REEP5: variants seen among roughly 807,000 people sequenced by gnomAD.
REEP5 encodes receptor accessory protein 5.
A neutral mutation model predicts 22.4 loss-of-function variants in REEP5; 24 were observed. The observed-to-expected ratio is 1.07, with a 90% CI of 0.78 to 1.51. The LOEUF is 1.51. Among genes scored for constraint, REEP5 ranks in the 40% most tolerant of loss-of-function variants. The pLI is 0.00. For synonymous variants in REEP5, 103 were observed against 88.6 expected, an observed-to-expected ratio of 1.16 and a Z score of -0.92; for missense variants, 252 against 233.0, an observed-to-expected ratio of 1.08 and a Z score of -0.53.
At position 112,893,089 on chromosome 5, in the gene REEP5, G is replaced by A. The variant is rs776358468; in HGVS notation, c.352-5906C>T. On this transcript the variant is annotated intron_variant, in intron 3 of 4. Transcript: ENST00000379638. Reference sequence around the variant, plus strand: ...TCCCCAATCCAAATAAACTAGTTTTGTTCTTAAAAAAAAAAAAAAAAAAAA... The same window carrying A: ...TCCCCAATCCAAATAAACTAGTTTTATTCTTAAAAAAAAAAAAAAAAAAAA... 1.8e-5 allele frequency: 10 copies of A among 546,806 alleles called. No homozygotes were observed. The East Asian group carries it at 4.4e-4, about 24-fold the overall frequency. The allele number at this position is 546,806 out of a possible 1,614,324, so 33.9% of individuals were successfully genotyped here. A position where few individuals can be genotyped will look rare whatever the true frequency, so the allele number is the denominator to read the frequency against.
intron 2 of REEP5, among the ~76,000 whole-genome samples, chr5:112,905,460 G>A: frequency 6.6e-6 from 1 of 151,552 alleles, no homozygotes; most frequent in East Asian, 2.0e-4. Flanking sequence ...AGACTCACTT[G>A]AACCCGGGAG....
At chr5:112,886,462 G>T (rs1768249129) in intron 4 of REEP5, among the ~76,000 whole-genome samples, 1 of 152,110 alleles carries the variant, frequency 6.6e-6, no homozygotes, top group Non-Finnish European at 1.5e-5. Flanking sequence ...GGCATCCCAG[G>T]CTTGTCTCTA....
chr5:112,917,812 G>T, intron 2 of REEP5, among the ~76,000 whole-genome samples: 1 of 152,176 alleles, frequency 6.6e-6, no homozygotes, highest in East Asian at 1.9e-4. Flanking sequence ...CAAACTCATA[G>T]AAACAGAATG....
Position 112,876,506 on chromosome 5 carries a change from T to C in REEP5, c.*2280A>G, listed in dbSNP as rs1204534050. On this transcript the variant is annotated 3_prime_UTR_variant, in exon 5 of 5. Transcript: ENST00000379638. Reference sequence around the variant, plus strand: ...TTCTTCAGCTGTGAGTAGAGGAGTCTTCCCGAGAGTAGCAGTTGTTGATCC... The same window carrying C: ...TTCTTCAGCTGTGAGTAGAGGAGTCCTCCCGAGAGTAGCAGTTGTTGATCC... 2 of 152,234 alleles carry C rather than the reference T, an allele frequency of 1.3e-5. No homozygotes were observed. Among genetic ancestry groups the C allele is most frequent in the Non-Finnish European group, 2.9e-5 (2 of 68,040 alleles). 9.4% of individuals were successfully genotyped at this position (152,234 alleles called of 1,614,324 possible).
intron 2 of REEP5, among the ~76,000 whole-genome samples, chr5:112,908,571 G>A (rs1034290654): frequency 6.6e-6 from 1 of 151,806 alleles, no homozygotes; most frequent in Non-Finnish European, 1.5e-5. Flanking sequence ...TGTTGCCCAG[G>A]CTGGAGTGCA....
intron 2 of REEP5, among the ~76,000 whole-genome samples, chr5:112,908,163 C>T (rs1042378613): frequency 3.5e-5 from 5 of 143,858 alleles, no homozygotes; most frequent in East Asian, 2.0e-4. Context: ...TGCAGTGGCA[C>T]GATCTCGGCT....
chr5:112,891,727 A>C, intron 3 of REEP5: 1 of 1,614,154 alleles, frequency 6.2e-7, no homozygotes, highest in Non-Finnish European at 8.5e-7. Flanking sequence ...CGCCCTGAAG[A>C]AGGAGAAACG....
At chr5:112,907,232 C>T (rs553123864) in intron 2 of REEP5, among the ~76,000 whole-genome samples, 1 of 152,326 alleles carries the variant, frequency 6.6e-6, no homozygotes, top group East Asian at 1.9e-4. Flanking sequence ...GCCTGGTCCA[C>T]TCTTTTACAG....
chr5:112,886,980 C>G, intron 4 of REEP5, 35 bp downstream of exon 4: 1 of 1,509,828 alleles, frequency 6.6e-7, no homozygotes, highest in Non-Finnish European at 9.1e-7. Flanking sequence ...CACATCTCCT[C>G]TCACATGTGG....
chr5:112,915,801 G>C (rs1158258797), intron 2 of REEP5, among the ~76,000 whole-genome samples: 1 of 151,440 alleles, frequency 6.6e-6, no homozygotes, highest in Non-Finnish European at 1.5e-5. Flanking sequence ...TAGTGTAATG[G>C]GAACATAGGC....
At chr5:112,902,325 A>G in intron 3 of REEP5, 55 bp downstream of exon 3, 1 of 1,504,884 alleles carries the variant, frequency 6.6e-7, no homozygotes. Context: ...ATTTATTCCT[A>G]CTTCTTCTAT....
chr5:112,892,752 G>A, intron 3 of REEP5: 4 of 1,614,030 alleles, frequency 2.5e-6, no homozygotes, highest in Non-Finnish European at 2.5e-6. Context: ...GGAGGGAGAA[G>A]ATGGGCCACC....
chr5:112,887,386 T>G (rs541023485), intron 3 of REEP5, among the ~76,000 whole-genome samples: 10 of 152,338 alleles, frequency 6.6e-5, no homozygotes, highest in African/African-American at 2.4e-4. Flanking sequence ...AAGGAAAAGC[T>G]GAGACTAAAA....
rs1432539065 is a variant in REEP5, at chr5:112,876,559, A to ATAAC, written c.*2223_*2226dup. The ATAAC allele has an allele frequency of 6.6e-6, 1 of 152,214 alleles. No individual in the cohort carries two copies. The highest frequency in any genetic ancestry group is 1.5e-5 in the Non-Finnish European group (1 of 68,034). The allele number at this position is 152,214 out of a possible 1,614,324, so 9.4% of individuals were successfully genotyped here. ...ATGATTGAAGCCTTCAGGTAAGGGA[A>ATAAC]TAACTGCTGCAGGAATTCTTTCTTG... is the stretch of plus-strand genomic sequence containing the variant. On this transcript the variant is annotated 3_prime_UTR_variant, in exon 5 of 5. Coordinates refer to ENST00000379638, the MANE Select transcript of REEP5 (RefSeq NM_005669.5).
intron 3 of REEP5, among the ~76,000 whole-genome samples, chr5:112,889,354 G>T (rs1220584656): frequency 6.6e-6 from 1 of 150,574 alleles, no homozygotes; most frequent in Non-Finnish European, 1.5e-5. Flanking sequence ...TGAAAATAAA[G>T]TTATGGGAAA....
intron 3 of REEP5, chr5:112,898,521 C>T: frequency 6.6e-6 from 1 of 152,192 alleles, no homozygotes; most frequent in Non-Finnish European, 1.5e-5. Context: ...TTCTCTCTAC[C>T]TCTCTGTGAA....
intron 2 of REEP5, among the ~76,000 whole-genome samples, chr5:112,913,793 T>C (rs950627808): frequency 6.6e-6 from 1 of 152,204 alleles, no homozygotes; most frequent in Non-Finnish European, 1.5e-5. Flanking sequence ...CTGTGACCTA[T>C]GTCAATTAAC....
chr5:112,896,030 C>G (rs1210472662), intron 3 of REEP5: 1 of 152,512 alleles, frequency 6.6e-6, no homozygotes, highest in Non-Finnish European at 1.5e-5. Flanking sequence ...TGATTTTCCC[C>G]CAGAAGAGAT....
intron 2 of REEP5, among the ~76,000 whole-genome samples, chr5:112,913,724 A>G (rs1454407850): frequency 1.3e-5 from 2 of 152,158 alleles, no homozygotes; most frequent in Non-Finnish European, 2.9e-5. Flanking sequence ...AGTCAAATAT[A>G]ACAATGCGGA....
Sources: gnomAD v4.1 joint callset for allele counts (sites outside exome capture counted in the v4.1 genomes callset) on GRCh38, gnomAD v4.1.1 for gene constraint, MANE v1.5 for transcripts, NCBI Gene and HGNC (gene_info 2026-07-23, HGNC 2026-07-21) for gene names.